The following PPFIBP1 variants were observed in gnomAD, a reference collection of about 807,000 sequenced individuals.
The protein encoded by PPFIBP1 is liprin-beta-1.
A neutral mutation model predicts 137.8 loss-of-function variants in PPFIBP1; 112 were observed. That is an observed-to-expected ratio of 0.81 (90% CI 0.70 to 0.95). PPFIBP1 has a LOEUF of 0.95. Ranked by LOEUF, PPFIBP1 falls within the 40% of genes least tolerant of loss-of-function variation. The pLI, the probability that PPFIBP1 is intolerant of heterozygous loss-of-function variation, is 0.00. For synonymous variants in PPFIBP1, 378 were observed against 417.3 expected, an observed-to-expected ratio of 0.91 and a Z score of 1.15; for missense variants, 1,083 against 1,196.6, an observed-to-expected ratio of 0.91 and a Z score of 1.40.
At chr12:27,598,041 G>A (rs1429807359) in intron 2 of PPFIBP1, among the ~76,000 whole-genome samples, 2 of 152,062 alleles carry the variant, frequency 1.3e-5, no homozygotes, top group Non-Finnish European at 2.9e-5. Context: ...CTGACCTCAG[G>A]CGATCCACCC....
rs964626112 is a variant in PPFIBP1, at chr12:27,667,328, T to C, written c.1146+8T>C. 1.3e-6 allele frequency: 2 copies of C among 1,580,920 alleles called. No homozygotes were observed. The highest frequency in any genetic ancestry group is 1.7e-6 in the Non-Finnish European group (2 of 1,164,662). On this transcript the variant is annotated splice_region_variant and intron_variant, in intron 13 of 29. Transcript: ENST00000228425. ...ACAAGTGTTCCCGAAGAGGTATTAATAGACTTTCAGTATTTCCTTTATGTT... is the reference window on the plus strand; with the variant it reads ...ACAAGTGTTCCCGAAGAGGTATTAACAGACTTTCAGTATTTCCTTTATGTT...
At chr12:27,579,952 G>A (rs573188375) in intron 2 of PPFIBP1, among the ~76,000 whole-genome samples, 1 of 152,162 alleles carries the variant, frequency 6.6e-6, no homozygotes, top group Non-Finnish European at 1.5e-5. Flanking sequence ...TATTGTCCTG[G>A]CAGAGAAGGG....
At chr12:27,681,119 A>G (rs1391549544) in intron 21 of PPFIBP1, among the ~76,000 whole-genome samples, 1 of 152,222 alleles carries the variant, frequency 6.6e-6, no homozygotes, top group Non-Finnish European at 1.5e-5. Flanking sequence ...GTGACAACAT[A>G]TTGCCCTCTT....
At chr12:27,535,762 G>A (rs1452569172) in intron 1 of PPFIBP1, among the ~76,000 whole-genome samples, 1 of 152,176 alleles carries the variant, frequency 6.6e-6, no homozygotes, top group Non-Finnish European at 1.5e-5. Flanking sequence ...TGAAGTTGTC[G>A]ACGCATATGT....
At chr12:27,676,980 G>T (rs756654142) in intron 18 of PPFIBP1, 84 bp from the exon 19 acceptor site, 2 of 1,589,932 alleles carry the variant, frequency 1.3e-6, no homozygotes, top group South Asian at 2.2e-5. Context: ...GCGAGGAGGA[G>T]TCTGATCTGC....
rs2058329719 is a variant in PPFIBP1 at position 27,644,326 on chromosome 12, A to C, written c.271-1736A>C. Reference sequence around the variant, plus strand: ...TGGCCTCAAACTTCTGGGCTCACACAATTCTCAGCCTCCCGAAGTGCTGGA... The same window carrying C: ...TGGCCTCAAACTTCTGGGCTCACACCATTCTCAGCCTCCCGAAGTGCTGGA... On this transcript the variant is annotated intron_variant, in intron 4 of 29. Coordinates refer to ENST00000228425, the MANE Select transcript of PPFIBP1 (RefSeq NM_003622.4). Among the ~76,000 whole-genome samples, 4 of 149,134 alleles carry C rather than the reference A, an allele frequency of 2.7e-5. No homozygotes were observed. The South Asian group carries it at 6.4e-4, about 24-fold the overall frequency.
At chr12:27,560,263 T>A (rs1397402257) in intron 1 of PPFIBP1, among the ~76,000 whole-genome samples, 2 of 152,162 alleles carry the variant, frequency 1.3e-5, no homozygotes, top group Non-Finnish European at 1.5e-5. Context: ...GAATAAAGGA[T>A]CATGGATTTG....
rs528648250 is a variant in PPFIBP1, at chr12:27,659,818, T to C, written c.844+970T>C. ...AAGAAGACTGGATGTGGTGGCTCAC[T>C]CCTGTAATCCCAACTCCTCAAGAGG... is the stretch of plus-strand genomic sequence containing the variant. On this transcript the variant is annotated intron_variant, in intron 10 of 29. Transcript: ENST00000228425. Among the ~76,000 whole-genome samples, 23 of 152,220 alleles carry C rather than the reference T, an allele frequency of 1.5e-4. No individual in the cohort carries two copies. The South Asian group carries it at 3.1e-3, about 21-fold the overall frequency.
intron 2 of PPFIBP1, among the ~76,000 whole-genome samples, chr12:27,625,102 C>T (rs2056699746): frequency 6.6e-6 from 1 of 151,978 alleles, no homozygotes; most frequent in Non-Finnish European, 1.5e-5. Flanking sequence ...GAAACCCTGT[C>T]TCTACAAAAA....
chr12:27,624,823 G>C (rs1280549975), intron 2 of PPFIBP1, among the ~76,000 whole-genome samples: 1 of 152,090 alleles, frequency 6.6e-6, no homozygotes, highest in Non-Finnish European at 1.5e-5. Context: ...TAAATATTTG[G>C]TGAGCCCTTA....
chr12:27,534,500 C>T (rs1944768647), intron 1 of PPFIBP1, among the ~76,000 whole-genome samples: 1 of 151,798 alleles, frequency 6.6e-6, no homozygotes, highest in Non-Finnish European at 1.5e-5. Context: ...CAAACTGACA[C>T]ATTTGCCAGA....
intron 2 of PPFIBP1, among the ~76,000 whole-genome samples, chr12:27,609,688 A>G (rs2054883777): frequency 6.6e-6 from 1 of 152,290 alleles, no homozygotes; most frequent in South Asian, 2.1e-4. Context: ...AAATGGTCCC[A>G]TGGGCCCTGC....
intron 2 of PPFIBP1, among the ~76,000 whole-genome samples, chr12:27,604,094 A>G (rs916749812): frequency 6.6e-6 from 1 of 152,134 alleles, no homozygotes; most frequent in Admixed American, 6.6e-5. Flanking sequence ...AAAAGTGGGG[A>G]TGGGGTGGAA....
rs2061317865 is a variant in PPFIBP1 at position 27,688,284 on chromosome 12, G to C, written c.2371-14G>C. ...CAATTTAATATTTAGGATCCTGGTT[G>C]TGTGTTCCCATAGAATACCATCGCC... On this transcript the variant is annotated splice_polypyrimidine_tract_variant and intron_variant, in intron 25 of 29. Transcript: ENST00000228425. The C allele has an allele frequency of 6.2e-7, 1 of 1,612,300 alleles. No individual in the cohort carries two copies. The highest frequency in any genetic ancestry group is 1.3e-5 in the African/African-American group (1 of 74,822).
rs1175883102 is a variant in PPFIBP1 at position 27,676,574 on chromosome 12, G to A, written c.1557G>A (p.Lys519=). The change falls in exon 18 of 30, where the codon AAG becomes AAA. Residue 519 remains lysine (K), a synonymous_variant. Coordinates refer to ENST00000228425, the MANE Select transcript of PPFIBP1 (RefSeq NM_003622.4). ...GRGFFKIKSN[K]RTASAPNLDR... ...GCTTTTTTAAAATCAAAAGTAACAA[G>A]AGAACAGCAAGTGCACCAAACTTAG... 1.9e-6 allele frequency: 3 copies of A among 1,595,538 alleles called. No individual in the cohort carries two copies. Among genetic ancestry groups the A allele is most frequent in the East Asian group, 2.2e-5 (1 of 44,484 alleles).
intron 1 of PPFIBP1, among the ~76,000 whole-genome samples, chr12:27,543,880 C>CCCCTTT (rs1565736990): frequency 9.5e-6 from 1 of 105,796 alleles, no homozygotes; most frequent in Non-Finnish European, 1.8e-5. Flanking sequence ...CCCGCCCCTG[C>CCCCTTT]TTTTTTTTTT....
At chr12:27,610,485 CTG>C (rs1165172428) in intron 2 of PPFIBP1, among the ~76,000 whole-genome samples, 1 of 152,184 alleles carries the variant, frequency 6.6e-6, no homozygotes, top group African/African-American at 2.4e-5. Context: ...TGGTGTTTTA[CTG>C]TGTGGAGGAA....
At chr12:27,659,866 G>A (rs888819802) in intron 10 of PPFIBP1, among the ~76,000 whole-genome samples, 24 of 152,146 alleles carry the variant, frequency 1.6e-4, no homozygotes, top group Non-Finnish European at 2.9e-4. Context: ...GATCACTGGA[G>A]CCCAGGAGTT....
chr12:27,648,721 C>T (rs764309112), intron 6 of PPFIBP1, among the ~76,000 whole-genome samples: 21 of 152,160 alleles, frequency 1.4e-4, no homozygotes, highest in African/African-American at 4.6e-4. Context: ...AACTGAAGGT[C>T]ATTATGTGTG....
Sources: gnomAD v4.1 joint callset for allele counts (sites outside exome capture counted in the v4.1 genomes callset) on GRCh38, gnomAD v4.1.1 for gene constraint, MANE v1.5 for transcripts, NCBI Gene and HGNC (gene_info 2026-07-23, HGNC 2026-07-21) for gene names.